The following F13B variants were observed in gnomAD, a reference collection of about 807,000 sequenced individuals.
F13B encodes the protein TGase.
Under a neutral mutation model 79.8 loss-of-function variants are expected in F13B, and 58 were observed. The ratio of observed to expected loss-of-function variants is 0.73; its 90% confidence interval spans 0.59 to 0.90. The LOEUF is 0.90. Among genes scored for constraint, F13B ranks in the 40% least tolerant of loss-of-function variants. F13B has a pLI of 0.00. For missense variants in F13B, 773 were observed against 777.0 expected (o/e 0.99, Z 0.06); for synonymous variants, 283 against 260.3 (o/e 1.09, Z -0.84).
At position 197,039,329 on chromosome 1, in the gene F13B, G is replaced by C; in HGVS notation, c.*49C>G. 1 of 1,447,400 alleles carries C rather than the reference G, an allele frequency of 6.9e-7. No individual in the cohort carries two copies. Among genetic ancestry groups the C allele is most frequent in the Non-Finnish European group, 9.6e-7 (1 of 1,036,808 alleles). 89.7% of individuals were successfully genotyped at this position (1,447,400 alleles called of 1,614,324 possible). On this transcript the variant is annotated 3_prime_UTR_variant, in exon 12 of 12. Transcript: ENST00000367412. ...ATTTCCTCAAAATTATATTTTATAA[G>C]GAATTTCATGATGTATTGAAATATG... is the stretch of plus-strand genomic sequence containing the variant.
In F13B at chr1:197,039,339, G is replaced by T. The variant is rs895549706; in HGVS notation, c.*39C>A. ...AATTATATTTTATAAGGAATTTCAT[G>T]ATGTATTGAAATATGACTCCTCTTT... On this transcript the variant is annotated 3_prime_UTR_variant, in exon 12 of 12. Coordinates refer to ENST00000367412, the MANE Select transcript of F13B (RefSeq NM_001994.3). 7.3e-6 allele frequency: 11 copies of T among 1,509,070 alleles called. No homozygotes were observed. The highest frequency in any genetic ancestry group is 3.4e-4 in the Middle Eastern group (2 of 5,874). 93.5% of individuals were successfully genotyped at this position (1,509,070 alleles called of 1,614,324 possible). A position where few individuals can be genotyped will look rare whatever the true frequency, so the allele number is the denominator to read the frequency against.
chr1:197,061,929 A>G lies in F13B; in HGVS notation c.306T>C (p.Ser102=). 6.2e-7 allele frequency: 1 copy of G among 1,612,624 alleles called. No homozygotes were observed. Among genetic ancestry groups the G allele is most frequent in the Non-Finnish European group, 8.5e-7 (1 of 1,179,054 alleles). ...TKPDLSNGYI[S]DVKLLYKIQE... is the part of the protein sequence containing the mutation. The stretch of plus-strand genomic sequence containing the variant: ...GAATTTTATACAATAACTTTACATC[A>G]GAGATGTAACCATTACTCAGGTCAG... The change falls in exon 3 of 12, where the codon TCT becomes TCC. Residue 102 remains serine (S), a synonymous_variant. Coordinates refer to ENST00000367412, the MANE Select transcript of F13B (RefSeq NM_001994.3).
At chr1:197,060,622 T>A in intron 4 of F13B, 80 bp from the exon 5 acceptor site, 1 of 996,210 alleles carries the variant, frequency 1.0e-6, no homozygotes, top group Non-Finnish European at 1.5e-6. Flanking sequence ...TTACATGACA[T>A]AACTAGAATA....
At chr1:197,042,655 CAAA>C (rs933019932) in intron 10 of F13B, among the ~76,000 whole-genome samples, 1 of 72,424 alleles carries the variant, frequency 1.4e-5, no homozygotes, top group Admixed American at 1.9e-4. Context: ...CCCATCTCTA[CAAA>C]AAAAAAAAAA....
At chr1:197,064,933 C>G (rs1299926291) in intron 1 of F13B, among the ~76,000 whole-genome samples, 1 of 151,976 alleles carries the variant, frequency 6.6e-6, no homozygotes, top group African/African-American at 2.4e-5. Context: ...TACCTTAATG[C>G]TACTATGAGA....
Position 197,061,018 on chromosome 1 carries a change from A to G in F13B, c.509T>C (p.Phe170Ser), listed in dbSNP as rs774776815. 1 of 1,606,916 alleles carries G rather than the reference A, an allele frequency of 6.2e-7. No homozygotes were observed. The highest frequency in any genetic ancestry group is 8.5e-7 in the Non-Finnish European group (1 of 1,173,996). Residue 170 changes from phenylalanine (F) to serine (S), a missense_variant, in exon 4 of 12, where the codon TTC (phenylalanine) becomes TCC (serine). Transcript: ENST00000367412. ...NGNYSTTQKTFKVKDKVQYEC... is the reference protein window; with the variant it reads ...NGNYSTTQKTSKVKDKVQYEC... ...GTATTGTACTTTGTCCTTCACTTTGAATGTTTTCTGTGTTGTGGAATAATT... is the reference window on the plus strand; with the variant it reads ...GTATTGTACTTTGTCCTTCACTTTGGATGTTTTCTGTGTTGTGGAATAATT...
intron 5 of F13B, among the ~76,000 whole-genome samples, chr1:197,059,443 C>A (rs1655764317): frequency 6.6e-6 from 1 of 152,094 alleles, no homozygotes; most frequent in Admixed American, 6.6e-5. Context: ...AAATCTTCAC[C>A]ACTTTCCTCC....
Position 197,040,782 on chromosome 1 carries a change from T to C in F13B, c.1739-47A>G, listed in dbSNP as rs762185550. 2.8e-6 allele frequency: 4 copies of C among 1,438,722 alleles called. No homozygotes were observed. The African/African-American group carries it at 4.3e-5, about 15-fold the overall frequency. 89.1% of individuals were successfully genotyped at this position (1,438,722 alleles called of 1,614,324 possible). A position where few individuals can be genotyped will look rare whatever the true frequency, so the allele number is the denominator to read the frequency against. On this transcript the variant is annotated intron_variant, in intron 10 of 11. Coordinates refer to ENST00000367412, the MANE Select transcript of F13B (RefSeq NM_001994.3). ...AAAAGAAAGAAAAAGAAGAAAACTATCTTGTTACATCTTGGTAAGAACAGG... is the reference window on the plus strand; with the variant it reads ...AAAAGAAAGAAAAAGAAGAAAACTACCTTGTTACATCTTGGTAAGAACAGG...
At chr1:197,052,457 A>G (rs1655481212) in intron 9 of F13B, among the ~76,000 whole-genome samples, 177 bp downstream of exon 9, 1 of 151,516 alleles carries the variant, frequency 6.6e-6, no homozygotes, top group South Asian at 2.1e-4. Context: ...ATACCCATGT[A>G]ACAAACCTGC....
At position 197,040,646 on chromosome 1, in the gene F13B, C is replaced by T; in HGVS notation, c.1828G>A (p.Glu610Lys). 1 of 1,612,724 alleles carries T rather than the reference C, an allele frequency of 6.2e-7. No homozygotes were observed. Among genetic ancestry groups the T allele is most frequent in the Non-Finnish European group, 8.5e-7 (1 of 1,179,062 alleles). The change falls in exon 11 of 12, where the codon GAA becomes AAA. Residue 610 changes from glutamate (E) to lysine (K), a missense_variant. Coordinates refer to ENST00000367412, the MANE Select transcript of F13B (RefSeq NM_001994.3). ...FDNRPHILHG[E>K]YIEFICRGDT... ...CCTCTACAAATAAACTCAATATATT[C>T]ACCATGCAAAATGTGTGGTCTATTG...
At chr1:197,051,881 C>G (rs1655453355) in intron 9 of F13B, among the ~76,000 whole-genome samples, 1 of 151,956 alleles carries the variant, frequency 6.6e-6, no homozygotes, top group Non-Finnish European at 1.5e-5. Context: ...TCGTTTTTTT[C>G]TTGTAAATTT....
intron 10 of F13B, among the ~76,000 whole-genome samples, chr1:197,047,810 A>G (rs1655290471): frequency 6.6e-6 from 1 of 152,202 alleles, no homozygotes; most frequent in Admixed American, 6.6e-5. Context: ...CTATGCAGCC[A>G]TTAAAAAGGA....
chr1:197,057,046 G>T lies in F13B; in HGVS notation c.1138C>A (p.Arg380Ser). Residue 380 changes from arginine (R) to serine (S), a missense_variant, in exon 7 of 12, where the codon CGT becomes AGT. Transcript: ENST00000367412. ...LHGSNEITCNRGKWTLPPECV... is the reference protein window; with the variant it reads ...LHGSNEITCNSGKWTLPPECV... ...TCAGGAGGAAGTGTCCATTTTCCAC[G>T]ATTACAAGTTATCTCATTCGATCCA... The T allele has an allele frequency of 6.2e-7, 1 of 1,613,676 alleles. No homozygotes were observed. Among genetic ancestry groups the T allele is most frequent in the South Asian group, 1.1e-5 (1 of 91,082 alleles).
intron 5 of F13B, 128 bp downstream of exon 5, chr1:197,060,238 T>A: frequency 1.6e-6 from 1 of 616,728 alleles, no homozygotes; most frequent in Non-Finnish European, 2.8e-6. Context: ...ATTTAAAAGA[T>A]AATATTTATT....
chr1:197,063,634 A>C lies in F13B; in HGVS notation c.65-577T>G, dbSNP rs527539770. Among the ~76,000 whole-genome samples the C allele has an allele frequency of 1.5e-3, 222 of 152,254 alleles. 1 individual carries two copies. The highest frequency in any genetic ancestry group is 5.1e-3 in the African/African-American group (211 of 41,576). ...CTCCACCCTGCCTGCACTTCCTAAT[A>C]GATATGTATTGTAAGTCACTTATGT... On this transcript the variant is annotated intron_variant, in intron 1 of 11. Coordinates refer to ENST00000367412, the MANE Select transcript of F13B (RefSeq NM_001994.3).
chr1:197,063,075 C>G lies in F13B; in HGVS notation c.65-18G>C. The G allele has an allele frequency of 1.9e-6, 3 of 1,600,354 alleles. No homozygotes were observed. Among genetic ancestry groups the G allele is most frequent in the East Asian group, 4.5e-5 (2 of 44,734 alleles). On this transcript the variant is annotated intron_variant, in intron 1 of 11. Coordinates refer to ENST00000367412, the MANE Select transcript of F13B (RefSeq NM_001994.3). ...GGGTTTCTCTGAAATGAGTAAATGTCAAGCTGAAAATGGAAAAACAAATCT... is the reference window on the plus strand; with the variant it reads ...GGGTTTCTCTGAAATGAGTAAATGTGAAGCTGAAAATGGAAAAACAAATCT...
chr1:197,045,185 C>CA (rs919587309), intron 10 of F13B, among the ~76,000 whole-genome samples: 4 of 151,618 alleles, frequency 2.6e-5, no homozygotes, highest in African/African-American at 7.3e-5. Flanking sequence ...AATAGAGACA[C>CA]AAAAAATCCC....
rs1655686640 is a variant in F13B at position 197,057,406 on chromosome 1, A to C, written c.865T>G (p.Ser289Ala). ...LPINSKIQTH[S>A]TTYRHGEIVH... is the part of the protein sequence containing the mutation. Reference sequence around the variant, plus strand: ...ATTTCTCCATGACGATAAGTTGTTGAATGTGTTTGAATTTTGGAGTTTATG... The same window carrying C: ...ATTTCTCCATGACGATAAGTTGTTGCATGTGTTTGAATTTTGGAGTTTATG... The change falls in exon 6 of 12, where the codon TCA (serine) becomes GCA (alanine). Residue 289 changes from serine (S) to alanine (A), a missense_variant. By Grantham distance (99) the Ser-to-Ala change is moderately conservative (BLOSUM62 1). Coordinates refer to ENST00000367412, the MANE Select transcript of F13B (RefSeq NM_001994.3). The C allele has an allele frequency of 1.2e-6, 2 of 1,613,824 alleles. No individual in the cohort carries two copies. Among genetic ancestry groups the C allele is most frequent in the African/African-American group, 2.7e-5 (2 of 74,916 alleles).
At chr1:197,053,790 G>A (rs189711770) in intron 8 of F13B, among the ~76,000 whole-genome samples, 1 of 152,138 alleles carries the variant, frequency 6.6e-6, no homozygotes, top group East Asian at 1.9e-4. Context: ...GCTTGAAGGG[G>A]ACTTTGCACA....
Sources: allele counts gnomAD v4.1 joint callset (sites outside exome capture counted in the v4.1 genomes callset), GRCh38; gene constraint gnomAD v4.1.1; transcripts MANE v1.5; gene names NCBI Gene and HGNC (gene_info 2026-07-23, HGNC 2026-07-21).